Variants in PBX4 observed in about 807,000 individuals in gnomAD.
PBX4 encodes the protein PBX homeobox 4.
A neutral mutation model predicts 35.1 loss-of-function variants in PBX4; 26 were observed. The ratio of observed to expected loss-of-function variants is 0.74; its 90% CI spans 0.54 to 1.03. The LOEUF (loss-of-function observed/expected upper bound fraction) is 1.03, where lower values mean the gene tolerates loss of function less well. Ranked by LOEUF, PBX4 falls within the 50% of genes least tolerant of loss-of-function variation. PBX4 has a pLI of 0.00. For synonymous variants in PBX4, 199 were observed against 204.2 expected (o/e 0.97, Z 0.22); for missense variants, 448 against 504.3 (o/e 0.89, Z 1.07).
At chr19:19,601,327 C>T (rs879391761) in intron 1 of PBX4, among the ~76,000 whole-genome samples, 1 of 152,106 alleles carries the variant, frequency 6.6e-6, no homozygotes, top group South Asian at 2.1e-4. Context: ...CTGTTTGAGA[C>T]CAGGCTGCTG....
At chr19:19,586,139 T>C (rs2061487507) in intron 2 of PBX4, among the ~76,000 whole-genome samples, 1 of 152,216 alleles carries the variant, frequency 6.6e-6, no homozygotes, top group Non-Finnish European at 1.5e-5. Flanking sequence ...AGGCTGAGCA[T>C]GTGGTGGCTT....
chr19:19,615,352 A>G (rs2144799911), intron 1 of PBX4, among the ~76,000 whole-genome samples: 1 of 151,884 alleles, frequency 6.6e-6, no homozygotes, highest in Middle Eastern at 3.4e-3. Flanking sequence ...ATATAAAAAA[A>G]AAAAAGCCAA....
intron 2 of PBX4, among the ~76,000 whole-genome samples, chr19:19,582,897 G>T (rs1395540963): frequency 1.3e-5 from 2 of 152,268 alleles, no homozygotes; most frequent in Non-Finnish European, 2.9e-5. Context: ...GGTTTGAGCT[G>T]TGGGGCACCG....
In PBX4 at chr19:19,563,605, T is replaced by A; in HGVS notation, c.936A>T (p.Gly312=). The change falls in exon 7 of 8, where the codon GGA becomes GGT. Residue 312 remains glycine, a synonymous_variant. Transcript: ENST00000251203. This position sits in a 1 kb window ranked among gnomAD's most constrained non-coding sequence, Gnocchi z 5.1. The part of the protein sequence containing the change: ...CLSTPSSGSS[G]PFPLPSAGDA... ...CCCCAGCGCTGGGCAGCGGGAAGGG[T>A]CCAGAGGAGCCTGGAAGAGATGGGA... is the stretch of plus-strand genomic sequence containing the variant. The A allele has an allele frequency of 6.5e-7, 1 of 1,549,134 alleles. No homozygotes were observed.
chr19:19,615,555 A>G lies in PBX4; in HGVS notation c.119+2956T>C, dbSNP rs191839176. On this transcript the variant is annotated intron_variant, in intron 1 of 7. Transcript: ENST00000251203. ...CCAGAACCCAGTTCAGTACCCAGAT[A>G]TTGTAAAGGTCCGATAAATATCGGC... Among the ~76,000 whole-genome samples the G allele has an allele frequency of 1.1e-3, 163 of 152,248 alleles. 4 individuals carry two copies. The highest frequency in any genetic ancestry group is 9.4e-3 in the Admixed American group (144 of 15,284).
intron 2 of PBX4, chr19:19,588,368 C>T: frequency 7.4e-7 from 1 of 1,350,578 alleles, no homozygotes; most frequent in Non-Finnish European, 1.1e-6. Flanking sequence ...CTGATGGCAA[C>T]ACCAGCCTGC....
At chr19:19,602,178 A>G (rs915468615) in intron 1 of PBX4, among the ~76,000 whole-genome samples, 4 of 152,148 alleles carry the variant, frequency 2.6e-5, no homozygotes, top group African/African-American at 7.2e-5. Flanking sequence ...CACGCCTGTA[A>G]TCTCAGCACT....
rs1357857663 is a variant in PBX4 at position 19,612,060 on chromosome 19, G to A, written c.119+6451C>T. Among the ~76,000 whole-genome samples, 3 of 152,230 alleles carry A rather than the reference G, an allele frequency of 2.0e-5. No individual in the cohort carries two copies. The East Asian group carries it at 5.8e-4, about 29-fold the overall frequency. On this transcript the variant is annotated intron_variant, in intron 1 of 7. Transcript: ENST00000251203. ...GAGGCAGGCAGATCACCTGAAGCCA[G>A]GAGTTCTAGACCAGCTTGGCCAACA... is the stretch of plus-strand genomic sequence containing the variant.
chr19:19,607,319 G>A (rs1356172286), intron 1 of PBX4, among the ~76,000 whole-genome samples: 2 of 152,068 alleles, frequency 1.3e-5, no homozygotes, highest in African/African-American at 4.8e-5. Context: ...CTCCCAAAGT[G>A]CTGGGATTAT....
Position 19,575,392 on chromosome 19 carries a change from C to A in PBX4, c.194-4559G>T, listed in dbSNP as rs1374319545. On this transcript the variant is annotated intron_variant, in intron 2 of 7. Transcript: ENST00000251203. ...GGTGACAGTCACAGCAAGTGGACAC[C>A]CTTGGACAGCCAGGTAAAGGCCGCT... is the stretch of plus-strand genomic sequence containing the variant. Among the ~76,000 whole-genome samples, 3 of 152,226 alleles carry A rather than the reference C, an allele frequency of 2.0e-5. No homozygotes were observed. The East Asian group carries it at 5.8e-4, about 29-fold the overall frequency.
intron 3 of PBX4, 43 bp downstream of exon 3, chr19:19,570,543 T>G: frequency 6.2e-7 from 1 of 1,603,764 alleles, no homozygotes; most frequent in Non-Finnish European, 8.5e-7. Context: ...CTTTGACAAA[T>G]GCGCATTCAC....
intron 2 of PBX4, among the ~76,000 whole-genome samples, chr19:19,589,301 G>A (rs761816836): frequency 7.2e-5 from 11 of 151,754 alleles, no homozygotes; most frequent in Non-Finnish European, 1.3e-4. Context: ...GGTGGTGGGC[G>A]CCTGTAGTCC....
Position 19,563,767 on chromosome 19 carries a change from G to C in PBX4, c.926-152C>G. ...CCTCAGCCCCCACCCAGGCAGGCCA[G>C]CGGGCCCTCCCCACCACACTACTCA... is the stretch of plus-strand genomic sequence containing the variant. On this transcript the variant is annotated intron_variant, in intron 6 of 7. Transcript: ENST00000251203. The surrounding 1 kb of genome is among the most constrained non-coding windows in gnomAD (Gnocchi z 5.1). The C allele has an allele frequency of 1.5e-6, 1 of 683,344 alleles. No individual in the cohort carries two copies. Among genetic ancestry groups the C allele is most frequent in the Non-Finnish European group, 2.7e-6 (1 of 376,128 alleles). 42.3% of individuals were successfully genotyped at this position (683,344 alleles called of 1,614,324 possible).
rs1180997226 is a variant in PBX4 at position 19,562,561 on chromosome 19, T to G, written c.1033-444A>C. On this transcript the variant is annotated intron_variant, in intron 7 of 7. Transcript: ENST00000251203. The surrounding 1 kb of genome is among the most constrained non-coding windows in gnomAD (Gnocchi z 4.8). ...AGCAAGGAGGGTGGGAGGCAACCACTTGTCATAAGGGGTGGGGGCTCTGTC... is the reference window on the plus strand; with the variant it reads ...AGCAAGGAGGGTGGGAGGCAACCACGTGTCATAAGGGGTGGGGGCTCTGTC... Among the ~76,000 whole-genome samples, 1 of 151,902 alleles carries G rather than the reference T, an allele frequency of 6.6e-6. No homozygotes were observed. Among genetic ancestry groups the G allele is most frequent in the Non-Finnish European group, 1.5e-5 (1 of 67,932 alleles).
chr19:19,604,389 T>C (rs150496710), intron 1 of PBX4, among the ~76,000 whole-genome samples: 2,156 of 135,516 alleles, frequency 0.016, 71 homozygotes, highest in Admixed American at 0.086. Flanking sequence ...ATTACATAAA[T>C]TCAGGAGGTG....
intron 2 of PBX4, among the ~76,000 whole-genome samples, chr19:19,583,872 C>T (rs1177871258): frequency 2.0e-5 from 3 of 152,196 alleles, no homozygotes; most frequent in African/African-American, 7.2e-5. Flanking sequence ...GAGTTGGAGA[C>T]CAGCCTGACC....
At chr19:19,595,797 TG>T (rs2061557341) in intron 2 of PBX4, among the ~76,000 whole-genome samples, 1 of 83,254 alleles carries the variant, frequency 1.2e-5, no homozygotes. Context: ...TAAGTATACT[TG>T]GGGGTGAAGG....
rs757707356 is a variant in PBX4 at position 19,570,670 on chromosome 19, G to A, written c.357C>T (p.Asp119=). 1.2e-6 allele frequency: 2 copies of A among 1,614,190 alleles called. No individual in the cohort carries two copies. The highest frequency in any genetic ancestry group is 1.7e-6 in the Non-Finnish European group (2 of 1,180,032). Residue 119 remains aspartate (D), a synonymous_variant, in exon 3 of 8, where the codon GAC becomes GAT. Coordinates refer to ENST00000251203, the MANE Select transcript of PBX4 (RefSeq NM_025245.3). ...GTATPGGCPN[D]NSIEHSDYRA... is the part of the protein sequence containing the mutation. ...TGTAGTCAGAGTGCTCAATGCTATT[G>A]TCATTTGGACAGCCACCTGGTGTTG...
intron 6 of PBX4, among the ~76,000 whole-genome samples, chr19:19,564,558 G>A (rs8108705): frequency 1.3e-5 from 2 of 151,904 alleles, no homozygotes; most frequent in Non-Finnish European, 2.9e-5. Context: ...AGCCCATGCC[G>A]GGCTAATTTT....
Sources: allele counts gnomAD v4.1 joint callset (sites outside exome capture counted in the v4.1 genomes callset), GRCh38; gene constraint gnomAD v4.1.1; non-coding constraint Gnocchi (gnomAD v3.1); transcripts MANE v1.5; gene names NCBI Gene and HGNC (gene_info 2026-07-23, HGNC 2026-07-21).